Variants in FLT3 observed in about 807,000 individuals in gnomAD.
The protein encoded by FLT3 is fms related receptor tyrosine kinase 3.
FLT3 carries 46 observed loss-of-function variants against 126.6 expected under a neutral mutation model. That is an observed-to-expected ratio of 0.36 (90% confidence interval 0.29 to 0.46). The LOEUF (loss-of-function observed/expected upper bound fraction) is 0.46. Among genes scored for constraint, FLT3 ranks in the 20% least tolerant of loss-of-function variants. The probability of loss-of-function intolerance (pLI) is 1.00; values close to 1 mark genes in which losing one functional copy is unlikely to be tolerated. For missense variants in FLT3, 1,069 were observed against 1,190.3 expected (o/e 0.90, Z 1.50); for synonymous variants, 404 against 434.4 (o/e 0.93, Z 0.87).
intron 8 of FLT3, among the ~76,000 whole-genome samples, chr13:28,049,165 T>C (rs1875185098): frequency 6.6e-6 from 1 of 152,174 alleles, no homozygotes; most frequent in Non-Finnish European, 1.5e-5. Context: ...CATATTACAA[T>C]GTGTTATATG....
At chr13:28,045,759 G>A (rs1161080738) in intron 9 of FLT3, among the ~76,000 whole-genome samples, 2 of 151,774 alleles carry the variant, frequency 1.3e-5, no homozygotes, top group East Asian at 3.9e-4. Flanking sequence ...TACTTAGGAG[G>A]CTGAGGCAGG....
At chr13:28,026,111 G>T (rs952443995) in intron 17 of FLT3, among the ~76,000 whole-genome samples, 2 of 152,146 alleles carry the variant, frequency 1.3e-5, no homozygotes, top group African/African-American at 4.8e-5. Context: ...AGCACTTTGC[G>T]GGGCCTAGGT....
Position 28,027,159 on chromosome 13 carries a change from C to A in FLT3, c.2136G>T (p.Arg712Ser), listed in dbSNP as rs1156786993. 3.1e-6 allele frequency: 5 copies of A among 1,613,204 alleles called. No individual in the cohort carries two copies. Among genetic ancestry groups the A allele is most frequent in the Non-Finnish European group, 4.2e-6 (5 of 1,179,344 alleles). ...GTTCCTTGAAAATCTCTGTCCAAGT[C>A]CTGTGAAATTTTTCTCTTTTACTTC... Reference protein sequence around the residue: ...YLRSKREKFHRTWTEIFKEHN... With the variant: ...YLRSKREKFHSTWTEIFKEHN... The change falls in exon 17 of 24, where the codon AGG (arginine) becomes AGT (serine). Residue 712 changes from arginine to serine, a missense_variant. By Grantham distance (110) the Arg-to-Ser change is moderately radical. Transcript: ENST00000241453.
At chr13:28,075,482 T>C (rs531079392) in intron 1 of FLT3, among the ~76,000 whole-genome samples, 1 of 152,136 alleles carries the variant, frequency 6.6e-6, no homozygotes, top group South Asian at 2.1e-4. Flanking sequence ...CCCAGCACTT[T>C]GGGAGGCCGA....
At chr13:28,062,743 C>CAAAG (rs553645866) in intron 2 of FLT3, among the ~76,000 whole-genome samples, 1 of 89,996 alleles carries the variant, frequency 1.1e-5, no homozygotes, top group African/African-American at 4.8e-5. Flanking sequence ...AACTCTGTCT[C>CAAAG]AAAAAAAAAA....
intron 1 of FLT3, 34 bp from the exon 2 acceptor site, chr13:28,070,646 C>T (rs768242826): frequency 3.3e-6 from 5 of 1,516,928 alleles, no homozygotes; most frequent in Admixed American, 1.8e-5. Context: ...AATGTTGATA[C>T]ATGCACACCT....
chr13:28,040,035 A>C (rs762785012), intron 9 of FLT3, among the ~76,000 whole-genome samples: 1 of 152,150 alleles, frequency 6.6e-6, no homozygotes, highest in African/African-American at 2.4e-5. Context: ...TGGCAGCAAA[A>C]GTTTACTGGA....
intron 9 of FLT3, among the ~76,000 whole-genome samples, chr13:28,041,050 G>A (rs1181334469): frequency 6.6e-6 from 1 of 152,018 alleles, no homozygotes; most frequent in Non-Finnish European, 1.5e-5. Flanking sequence ...AAGTCAAAAA[G>A]GGGAATTTCT....
chr13:28,058,381 G>A (rs1042305526), intron 3 of FLT3, among the ~76,000 whole-genome samples: 5 of 150,786 alleles, frequency 3.3e-5, no homozygotes, highest in South Asian at 2.1e-4. Flanking sequence ...GTGGGGTGGC[G>A]CATGCCTGTA....
chr13:28,044,080 A>G (rs553930820), intron 9 of FLT3, among the ~76,000 whole-genome samples: 5 of 150,668 alleles, frequency 3.3e-5, no homozygotes, highest in Non-Finnish European at 7.4e-5. Flanking sequence ...CAGGAGGAGG[A>G]GGTTGCAGTA....
intron 20 of FLT3, among the ~76,000 whole-genome samples, chr13:28,017,049 C>T (rs1455021875): frequency 1.3e-5 from 2 of 152,162 alleles, no homozygotes; most frequent in African/African-American, 2.4e-5. Context: ...TATTCCTGTT[C>T]AAGTCCACAT....
intron 1 of FLT3, among the ~76,000 whole-genome samples, chr13:28,080,031 G>C (rs1297532880): frequency 6.6e-6 from 1 of 152,136 alleles, no homozygotes; most frequent in Non-Finnish European, 1.5e-5. Flanking sequence ...AGCCACTCAC[G>C]AGGTATCCAC....
intron 1 of FLT3, among the ~76,000 whole-genome samples, chr13:28,088,380 C>G (rs536643021): frequency 2.6e-5 from 4 of 151,954 alleles, no homozygotes; most frequent in African/African-American, 9.7e-5. Flanking sequence ...CTCCACCTCC[C>G]AGGTTCAGGT....
Position 28,050,194 on chromosome 13 carries a change from T to TA in FLT3, c.642dup (p.Lys215Ter). 1 of 1,614,098 alleles carries TA rather than the reference T, an allele frequency of 6.2e-7. No homozygotes were observed. Among genetic ancestry groups the TA allele is most frequent in the South Asian group, 1.1e-5 (1 of 91,080 alleles). Reference sequence around the variant, plus strand: ...TCATGAAGCACTTTTTCCTCCTTTTTAACAACAGCTGGACTTTCTTCTTTA... The same window carrying TA: ...TCATGAAGCACTTTTTCCTCCTTTTTAAACAACAGCTGGACTTTCTTCTTTA... On this transcript the variant is annotated frameshift_variant, in exon 6 of 24. Transcript: ENST00000241453. LOFTEE classifies it high-confidence loss of function.
At chr13:28,044,886 A>G (rs1874719898) in intron 9 of FLT3, among the ~76,000 whole-genome samples, 1 of 152,198 alleles carries the variant, frequency 6.6e-6, no homozygotes, top group Admixed American at 6.5e-5. Flanking sequence ...TATGATGATG[A>G]ATTCATTCAT....
At chr13:28,093,775 A>AG (rs1256040707) in intron 1 of FLT3, among the ~76,000 whole-genome samples, 3 of 152,118 alleles carry the variant, frequency 2.0e-5, no homozygotes. Flanking sequence ...ACTCCACTGC[A>AG]ATTTTCTTTC....
At chr13:28,047,428 G>A (rs547931284) in intron 9 of FLT3, among the ~76,000 whole-genome samples, 4 of 152,192 alleles carry the variant, frequency 2.6e-5, no homozygotes, top group African/African-American at 7.2e-5. Context: ...AGAATCTTTC[G>A]GCTGGGTGCA....
Position 28,100,482 on chromosome 13 carries a change from T to G in FLT3, c.29A>C (p.Gln10Pro), listed in dbSNP as rs1258567135. The G allele has an allele frequency of 8.2e-7, 1 of 1,217,114 alleles. No individual in the cohort carries two copies. Among genetic ancestry groups the G allele is most frequent in the Non-Finnish European group, 1.0e-6 (1 of 978,634 alleles). The allele number at this position is 1,217,114 out of a possible 1,614,324, so 75.4% of individuals were successfully genotyped here. Residue 10 changes from glutamine to proline, a missense_variant, in exon 1 of 24, where the codon CAG becomes CCG. Transcript: ENST00000241453. This position sits in a 1 kb window ranked among gnomAD's most constrained non-coding sequence, Gnocchi z 4.8. MPALARDGG[Q>P]LPLLVVFSAM... ...CGGGGCCTTACCGAGCAGCGGCAGC[T>G]GGCCGCCGTCGCGCGCCAACGCCGG...
chr13:28,039,142 G>A (rs2491241), intron 9 of FLT3, among the ~76,000 whole-genome samples: 69,603 of 151,830 alleles, frequency 0.46, 17,903 homozygotes, highest in East Asian at 0.7. Context: ...TAGGGCTGCA[G>A]TGAGGAGGAA....
Sources: gnomAD v4.1 joint callset for allele counts (sites outside exome capture counted in the v4.1 genomes callset) on GRCh38, gnomAD v4.1.1 for gene constraint, Gnocchi (gnomAD v3.1) non-coding constraint, MANE v1.5 for transcripts, NCBI Gene and HGNC (gene_info 2026-07-23, HGNC 2026-07-21) for gene names.